TBCK: variants seen among roughly 807,000 people sequenced by gnomAD.
TBCK encodes the protein TBC1 domain containing kinase, also known as TBC domain-containing protein kinase-like protein.
A neutral mutation model predicts 113.4 loss-of-function variants in TBCK; 99 were observed. The ratio of observed to expected loss-of-function variants is 0.87; its 90% CI spans 0.74 to 1.03. TBCK has a LOEUF of 1.03. Ranked by LOEUF, TBCK falls within the 50% of genes least tolerant of loss-of-function variation. The pLI is 0.00. For synonymous variants in TBCK, 369 were observed against 370.8 expected, an observed-to-expected ratio of 1.00 and a Z score of 0.05; for missense variants, 1,045 against 1,061.3, an observed-to-expected ratio of 0.98 and a Z score of 0.21.
Position 106,049,402 on chromosome 4 carries a change from C to G in TBCK, c.2572-2722G>C, listed in dbSNP as rs184967588. ...GTTTCTTTCTTCTTTCCTTTTATTT[C>G]TCTTTCATTACTGACTCTTAAAGGG... On this transcript the variant is annotated intron_variant, in intron 25 of 25. Coordinates refer to ENST00000394708, the MANE Select transcript of TBCK (RefSeq NM_001163435.3). Among the ~76,000 whole-genome samples, 84 of 152,106 alleles carry G rather than the reference C, an allele frequency of 5.5e-4. No homozygotes were observed. In the East Asian group the frequency reaches 8.5e-3, roughly 15 times the overall value.
intron 23 of TBCK, among the ~76,000 whole-genome samples, chr4:106,158,275 C>T (rs1365964116): frequency 1.3e-5 from 2 of 152,020 alleles, no homozygotes; most frequent in Non-Finnish European, 1.5e-5. Flanking sequence ...ACAGGCCGGG[C>T]GTGGTGGCTC....
intron 23 of TBCK, among the ~76,000 whole-genome samples, chr4:106,158,421 A>C (rs979450477): frequency 1.3e-5 from 2 of 152,194 alleles, no homozygotes; most frequent in Non-Finnish European, 1.5e-5. Flanking sequence ...ACATGCCTGT[A>C]ATCATGGTGA....
chr4:106,051,850 A>G (rs555844079), intron 25 of TBCK, among the ~76,000 whole-genome samples: 1 of 152,030 alleles, frequency 6.6e-6, no homozygotes, highest in South Asian at 2.1e-4. Flanking sequence ...TCATTAATAA[A>G]GTTCTTAATC....
intron 5 of TBCK, among the ~76,000 whole-genome samples, chr4:106,254,659 T>A (rs139075427): frequency 7.7e-4 from 117 of 152,244 alleles, no homozygotes; most frequent in African/African-American, 2.6e-3. Flanking sequence ...CATCTAGAAT[T>A]CATTTTTCAT....
chr4:106,201,180 T>A (rs918045259), intron 20 of TBCK, among the ~76,000 whole-genome samples: 1 of 151,980 alleles, frequency 6.6e-6, no homozygotes, highest in Non-Finnish European at 1.5e-5. Context: ...ACCAGTTATC[T>A]CTTACCAATT....
chr4:106,206,760 A>C (rs1755548024), intron 20 of TBCK, among the ~76,000 whole-genome samples: 1 of 152,212 alleles, frequency 6.6e-6, no homozygotes, highest in South Asian at 2.1e-4. Flanking sequence ...GAGCAGTTTA[A>C]ACTCGGCTGA....
chr4:106,143,487 T>C (rs1418587878), intron 23 of TBCK, among the ~76,000 whole-genome samples: 1 of 152,206 alleles, frequency 6.6e-6, no homozygotes, highest in African/African-American at 2.4e-5. Context: ...AGTAAATGTC[T>C]TTAAATATAG....
At position 106,136,303 on chromosome 4, in the gene TBCK, T is replaced by TA. The variant is rs535542826; in HGVS notation, c.2236-19926dup. 3.0e-3 allele frequency among the ~76,000 whole-genome samples: 420 copies of TA among 141,352 alleles called. 74 individuals carry two copies. Among genetic ancestry groups the TA allele is most frequent in the Middle Eastern group, 7.1e-3 (2 of 282 alleles). The allele number at this position is 141,352 out of a possible 152,430, so 92.7% of individuals were successfully genotyped here. A position where few individuals can be genotyped will look rare whatever the true frequency, so the allele number is the denominator to read the frequency against. ...AATCACTCCCAAGCTACTACCTCTC[T>TA]ACCTCCTTCTCATCTCTATTTTCTC... On this transcript the variant is annotated intron_variant, in intron 23 of 25. Coordinates refer to ENST00000394708, the MANE Select transcript of TBCK (RefSeq NM_001163435.3).
In TBCK at chr4:106,233,701, T is replaced by C. The variant is rs758394911; in HGVS notation, c.1450-51A>G. On this transcript the variant is annotated intron_variant, in intron 15 of 25. Transcript: ENST00000394708. ...TAATTTATCATATCCTTAATACAAA[T>C]AGTAATATAGAGAAATCTATTTTTT... is the stretch of plus-strand genomic sequence containing the variant. The C allele has an allele frequency of 5.2e-6, 7 of 1,353,082 alleles. No homozygotes were observed. The South Asian group carries it at 6.5e-5, about 13-fold the overall frequency. The allele number at this position is 1,353,082 out of a possible 1,614,324, so 83.8% of individuals were successfully genotyped here.
At chr4:106,121,317 G>C (rs1744334425) in intron 23 of TBCK, among the ~76,000 whole-genome samples, 2 of 150,116 alleles carry the variant, frequency 1.3e-5, no homozygotes, top group Non-Finnish European at 3.0e-5. Context: ...TCAACAAGAA[G>C]AGCTAACTAT....
chr4:106,308,181 C>A (rs2125891815), intron 2 of TBCK, among the ~76,000 whole-genome samples: 1 of 152,230 alleles, frequency 6.6e-6, no homozygotes, highest in Non-Finnish European at 1.5e-5. Context: ...ATTAATCATT[C>A]AAATATAGTT....
At chr4:106,093,501 G>A (rs979158469) in intron 25 of TBCK, among the ~76,000 whole-genome samples, 5 of 152,124 alleles carry the variant, frequency 3.3e-5, no homozygotes, top group Admixed American at 1.3e-4. Context: ...GGCGAGACTC[G>A]TCTCAAACAA....
chr4:106,209,475 TTAA>T (rs1755888125), intron 20 of TBCK, among the ~76,000 whole-genome samples: 1 of 152,180 alleles, frequency 6.6e-6, no homozygotes, highest in Non-Finnish European at 1.5e-5. Context: ...TTCTGTAACC[TTAA>T]TAAGAATTAT....
At chr4:106,273,773 T>C (rs933317345) in intron 3 of TBCK, among the ~76,000 whole-genome samples, 4 of 152,232 alleles carry the variant, frequency 2.6e-5, no homozygotes, top group Non-Finnish European at 5.9e-5. Flanking sequence ...GGATTTTTAT[T>C]GAAAGCCTCC....
chr4:106,294,550 C>T (rs1238421725), intron 3 of TBCK, among the ~76,000 whole-genome samples: 1 of 151,504 alleles, frequency 6.6e-6, no homozygotes, highest in Non-Finnish European at 1.5e-5. Flanking sequence ...GGTGCAATCT[C>T]GGCTCACCGT....
At chr4:106,258,522 A>C (rs1200620371) in intron 5 of TBCK, among the ~76,000 whole-genome samples, 3 of 152,066 alleles carry the variant, frequency 2.0e-5, no homozygotes, top group Non-Finnish European at 4.4e-5. Context: ...ACTTCAAAGC[A>C]AGCCAGACCA....
chr4:106,214,220 A>G (rs541629090), intron 19 of TBCK, among the ~76,000 whole-genome samples: 3 of 152,282 alleles, frequency 2.0e-5, no homozygotes, highest in South Asian at 2.1e-4. Flanking sequence ...CCATCTGTAC[A>G]TCACAATCAT....
chr4:106,316,214 T>C, upstream of TBCK: 2 of 239,160 alleles, frequency 8.4e-6, no homozygotes, highest in Non-Finnish European at 1.6e-5. Context: ...CCCTCTACCC[T>C]CCCCTCAGCC....
intron 22 of TBCK, among the ~76,000 whole-genome samples, chr4:106,176,938 T>C (rs571892043): frequency 2.3e-4 from 35 of 151,838 alleles, no homozygotes; most frequent in African/African-American, 7.2e-4. Context: ...CTTTTTCATA[T>C]ACTTGTTGGC....
Sources: gnomAD v4.1 joint callset for allele counts (sites outside exome capture counted in the v4.1 genomes callset) on GRCh38, gnomAD v4.1.1 for gene constraint, MANE v1.5 for transcripts, NCBI Gene and HGNC (gene_info 2026-07-23, HGNC 2026-07-21) for gene names.